RP1L1: variants seen among roughly 807,000 people sequenced by gnomAD.
RP1L1 encodes the protein RP1 like 1, also known as retinitis pigmentosa 1-like 1 protein.
Under a neutral mutation model 15.7 loss-of-function variants are expected in RP1L1, and 27 were observed. The observed-to-expected ratio is 1.72, with a 90% CI of 1.27 to 2.38. The LOEUF (loss-of-function observed/expected upper bound fraction) is 2.38. Among genes scored for constraint, RP1L1 ranks in the 30% most tolerant of loss-of-function variants. The pLI is 0.00. For synonymous variants in RP1L1, 1,813 were observed against 1,276.7 expected, an observed-to-expected ratio of 1.42 and a Z score of -8.96; for missense variants, 4,798 against 3,075.9, an observed-to-expected ratio of 1.56 and a Z score of -13.24.
chr8:10,609,979 C>G lies in RP1L1; in HGVS notation c.4119G>C (p.Gln1373His), dbSNP rs777886207. Residue 1373 changes from glutamine to histidine, a missense_variant, in exon 4 of 4, where the codon CAG (glutamine) becomes CAC (histidine). Coordinates refer to ENST00000382483, the MANE Select transcript of RP1L1 (RefSeq NM_178857.6). The stretch of plus-strand genomic sequence containing the variant: ...CTGGCCCTTCTTTAACTTCCTCTAA[C>G]TGCACCCCCTCTTCTTGCAGCCCTT... ...GGEGLQEEGV[Q>H]LEEVKEGPEG... 1 of 1,613,856 alleles carries G rather than the reference C, an allele frequency of 6.2e-7. No individual in the cohort carries two copies. Among genetic ancestry groups the G allele is most frequent in the South Asian group, 1.1e-5 (1 of 91,086 alleles).
At position 10,608,812 on chromosome 8, in the gene RP1L1, C is replaced by T. The variant is rs367775620; in HGVS notation, c.5286G>A (p.Glu1762=). The part of the protein sequence containing the change: ...LNRDKDPKLG[E]AEGDAMAQER... ...CCTGAGCCATTGCATCTCCCTCTGC[C>T]TCCCCGAGTTTGGGATCTTTGTCTC... The change falls in exon 4 of 4, where the codon GAG becomes GAA. Residue 1762 remains glutamate, a synonymous_variant. Transcript: ENST00000382483. 3.1e-6 allele frequency: 5 copies of T among 1,614,102 alleles called. No individual in the cohort carries two copies. The highest frequency in any genetic ancestry group is 2.2e-5 in the East Asian group (1 of 44,900).
chr8:10,628,871 C>A (rs574982318), intron 1 of RP1L1, among the ~76,000 whole-genome samples: 90 of 152,342 alleles, frequency 5.9e-4, no homozygotes, highest in African/African-American at 2.1e-3. Flanking sequence ...CAAACACACA[C>A]TTGCTAATAG....
At position 10,611,646 on chromosome 8, in the gene RP1L1, C is replaced by T. The variant is rs202108092; in HGVS notation, c.2452G>A (p.Val818Met). The T allele has an allele frequency of 8.7e-6, 14 of 1,612,866 alleles. No individual in the cohort carries two copies. The highest frequency in any genetic ancestry group is 1.1e-5 in the Non-Finnish European group (13 of 1,179,922). ...CAGCAGTGGCTTCGGTGGGGGCCCA[C>T]CGCCCCTTGCTCAGGCCGTCCAACC... ...LQVGRPEQGA[V>M]GPHRSHCCSQ... The change falls in exon 4 of 4, where the codon GTG (valine) becomes ATG (methionine). Residue 818 changes from valine to methionine, a missense_variant. Transcript: ENST00000382483.
chr8:10,611,249 C>T lies in RP1L1; in HGVS notation c.2849G>A (p.Arg950His), dbSNP rs201968725. 281 of 1,613,006 alleles carry T rather than the reference C, an allele frequency of 1.7e-4. 6 individuals are homozygous for T. The highest frequency in any genetic ancestry group is 1.5e-3 in the South Asian group (135 of 91,090). The change falls in exon 4 of 4, where the codon CGC becomes CAC. Residue 950 changes from arginine (R) to histidine (H), a missense_variant. Arg to His is a conservative substitution (Grantham distance 29, BLOSUM62 0). Transcript: ENST00000382483. ...ASGVSPSSLP[R>H]SSPEAVVREW... ...GCGGACCACAGCCTCTGGAGACGAG[C>T]GGGGCAGAGAGCTGGGTGACACACC... is the stretch of plus-strand genomic sequence containing the variant.
Position 10,609,520 on chromosome 8 carries a change from C to G in RP1L1, c.4578G>C (p.Thr1526=). Residue 1526 remains threonine, a synonymous_variant, in exon 4 of 4, where the codon ACG becomes ACC. Coordinates refer to ENST00000382483, the MANE Select transcript of RP1L1 (RefSeq NM_178857.6). Reference sequence around the variant, plus strand: ...CAAGGTGGGCCAGGAAGGCCTTCTCCGTCTTCTTCAGTAACACGGACACCC... The same window carrying G: ...CAAGGTGGGCCAGGAAGGCCTTCTCGGTCTTCTTCAGTAACACGGACACCC... The part of the protein sequence containing the change: ...PIWVSVLLKK[T]EKAFLAHLAS... 6.2e-7 allele frequency: 1 copy of G among 1,608,784 alleles called. No individual in the cohort carries two copies. The highest frequency in any genetic ancestry group is 8.5e-7 in the Non-Finnish European group (1 of 1,178,406).
chr8:10,610,980 C>T lies in RP1L1; in HGVS notation c.3118G>A (p.Glu1040Lys). The T allele has an allele frequency of 6.2e-7, 1 of 1,612,578 alleles. No homozygotes were observed. The highest frequency in any genetic ancestry group is 8.5e-7 in the Non-Finnish European group (1 of 1,179,916). ...GSSDTGPQSG[E>K]GVPQGAAPEG... Reference sequence around the variant, plus strand: ...GGAGCTGCCCCTTGGGGGACACCCTCTCCTGATTGGGGACCAGTGTCACTA... The same window carrying T: ...GGAGCTGCCCCTTGGGGGACACCCTTTCCTGATTGGGGACCAGTGTCACTA... The change falls in exon 4 of 4, where the codon GAG (glutamate) becomes AAG (lysine). Residue 1040 changes from glutamate to lysine, a missense_variant. Physicochemically the swap from Glu to Lys is moderately conservative, Grantham distance 56. Transcript: ENST00000382483.
chr8:10,623,245 G>C (rs1798101608), intron 1 of RP1L1, 25 bp from the exon 2 acceptor site: 2 of 1,502,174 alleles, frequency 1.3e-6, no homozygotes, highest in Non-Finnish European at 1.8e-6. Flanking sequence ...AGGAAGAGGG[G>C]TCAGAGAGCA....
At chr8:10,641,852 CA>C (rs1304150659) in intron 1 of RP1L1, among the ~76,000 whole-genome samples, 1 of 152,138 alleles carries the variant, frequency 6.6e-6, no homozygotes, top group Non-Finnish European at 1.5e-5. Flanking sequence ...TTGGTACACA[CA>C]AAAAATTGAA....
chr8:10,637,610 G>C (rs1798348750), intron 1 of RP1L1, among the ~76,000 whole-genome samples: 1 of 152,062 alleles, frequency 6.6e-6, no homozygotes, highest in Non-Finnish European at 1.5e-5. Context: ...AAAAAATTAA[G>C]AAAACTCCCC....
At chr8:10,654,492 C>A (rs1412407173) in intron 1 of RP1L1, among the ~76,000 whole-genome samples, 2 of 152,158 alleles carry the variant, frequency 1.3e-5, no homozygotes, top group East Asian at 1.9e-4. Context: ...GCTGACCTCA[C>A]CCTGCAGGAA....
intron 3 of RP1L1, among the ~76,000 whole-genome samples, chr8:10,615,338 A>T (rs901765190): frequency 6.6e-6 from 1 of 152,256 alleles, no homozygotes; most frequent in Non-Finnish European, 1.5e-5. Context: ...TTTTAAAAAA[A>T]TAACATAGTC....
intron 2 of RP1L1, chr8:10,621,357 G>A (rs1038296574): frequency 6.1e-6 from 1 of 164,424 alleles, no homozygotes; most frequent in Non-Finnish European, 1.3e-5. Flanking sequence ...GATGGAGTCT[G>A]GCTCTGTCAC....
In RP1L1 at chr8:10,609,234, G is replaced by A. The variant is rs201695025; in HGVS notation, c.4864C>T (p.Arg1622Trp). Residue 1622 changes from arginine to tryptophan, a missense_variant, in exon 4 of 4, where the codon CGG becomes TGG. Transcript: ENST00000382483. ...GAGAGGGGCCCCAGGCCCAGGGTCC[G>A]CTCAGAGAAGGCCGAGAGGTTTCGC... Reference protein sequence around the residue: ...GLRNLSAFSERTLGLGPLSFT... With the variant: ...GLRNLSAFSEWTLGLGPLSFT... The A allele has an allele frequency of 7.6e-5, 123 of 1,609,006 alleles. No individual in the cohort carries two copies. Among genetic ancestry groups the A allele is most frequent in the Admixed American group, 8.3e-5 (5 of 59,972 alleles).
chr8:10,611,557 C>G lies in RP1L1; in HGVS notation c.2541G>C (p.Trp847Cys). ...AQRGPSPEASWLCGRYCPTPP... is the reference protein window; with the variant it reads ...AQRGPSPEASCLCGRYCPTPP... Reference sequence around the variant, plus strand: ...GGGTGGGACAGTACCTGCCACACAGCCAGCTAGCCTCAGGGGAGGGTCCCC... The same window carrying G: ...GGGTGGGACAGTACCTGCCACACAGGCAGCTAGCCTCAGGGGAGGGTCCCC... Residue 847 changes from tryptophan (W) to cysteine (C), a missense_variant, in exon 4 of 4, where the codon TGG becomes TGC. Coordinates refer to ENST00000382483, the MANE Select transcript of RP1L1 (RefSeq NM_178857.6). 6.2e-7 allele frequency: 1 copy of G among 1,600,298 alleles called. No individual in the cohort carries two copies. The highest frequency in any genetic ancestry group is 8.5e-7 in the Non-Finnish European group (1 of 1,173,684).
At chr8:10,630,030 C>A (rs1307688747) in intron 1 of RP1L1, among the ~76,000 whole-genome samples, 1 of 152,202 alleles carries the variant, frequency 6.6e-6, no homozygotes, top group Non-Finnish European at 1.5e-5. Context: ...GAGGCCCCAT[C>A]CTGAGTGGGA....
In RP1L1 at chr8:10,609,548, A is replaced by G; in HGVS notation, c.4550T>C (p.Ile1517Thr). 3 of 1,604,904 alleles carry G rather than the reference A, an allele frequency of 1.9e-6. No individual in the cohort carries two copies. Among genetic ancestry groups the G allele is most frequent in the Non-Finnish European group, 2.5e-6 (3 of 1,177,180 alleles). Reference sequence around the variant, plus strand: ...CTTCTTCAGTAACACGGACACCCAGATGGGGTCGCAGTCCAGAGCCGCGCT... The same window carrying G: ...CTTCTTCAGTAACACGGACACCCAGGTGGGGTCGCAGTCCAGAGCCGCGCT... ...ACSAALDCDP[I>T]WVSVLLKKTE... Residue 1517 changes from isoleucine (I) to threonine (T), a missense_variant, in exon 4 of 4, where the codon ATC (isoleucine) becomes ACC (threonine). Ile to Thr is a moderately conservative substitution (Grantham distance 89). Coordinates refer to ENST00000382483, the MANE Select transcript of RP1L1 (RefSeq NM_178857.6).
chr8:10,652,190 T>A (rs1376705978), intron 1 of RP1L1, among the ~76,000 whole-genome samples: 1 of 152,220 alleles, frequency 6.6e-6, no homozygotes, highest in Non-Finnish European at 1.5e-5. Context: ...ATTCCCATCA[T>A]GAAGCCACGC....
chr8:10,630,853 G>A (rs983124293), intron 1 of RP1L1, among the ~76,000 whole-genome samples: 2 of 152,234 alleles, frequency 1.3e-5, no homozygotes, highest in Non-Finnish European at 2.9e-5. Context: ...GTGGTGTTAA[G>A]TCTACAACAG....
chr8:10,636,680 C>G (rs768660638), intron 1 of RP1L1, among the ~76,000 whole-genome samples: 1 of 152,244 alleles, frequency 6.6e-6, no homozygotes, highest in Non-Finnish European at 1.5e-5. Context: ...CAAGCCTATT[C>G]CCCCAAGCCA....
Sources: gnomAD v4.1 joint callset for allele counts (sites outside exome capture counted in the v4.1 genomes callset) on GRCh38, gnomAD v4.1.1 for gene constraint, MANE v1.5 for transcripts, NCBI Gene and HGNC (gene_info 2026-07-23, HGNC 2026-07-21) for gene names.